PDE11A: variants seen among roughly 807,000 people sequenced by gnomAD.
PDE11A encodes the protein phosphodiesterase 11A.
A neutral mutation model predicts 100.5 loss-of-function variants in PDE11A; 100 were observed. The observed-to-expected ratio is 1.00, with a 90% CI of 0.85 to 1.18. The LOEUF (loss-of-function observed/expected upper bound fraction) is 1.18. PDE11A is among the 50% of genes most tolerant of loss of function. The pLI is 0.00. For synonymous variants in PDE11A, 381 were observed against 420.8 expected (o/e 0.91, Z 1.16); for missense variants, 1,141 against 1,152.6 (o/e 0.99, Z 0.15).
At chr2:177,754,013 C>A (rs1345233037) in intron 10 of PDE11A, among the ~76,000 whole-genome samples, 3 of 152,090 alleles carry the variant, frequency 2.0e-5, no homozygotes, top group African/African-American at 7.2e-5. Flanking sequence ...ATCCTCCTTT[C>A]CAGCTGACAG....
chr2:177,989,109 T>C (rs978499292), intron 2 of PDE11A, among the ~76,000 whole-genome samples: 1 of 152,254 alleles, frequency 6.6e-6, no homozygotes, highest in Non-Finnish European at 1.5e-5. Flanking sequence ...TCAGTTGTAT[T>C]ACTCAGCATT....
At position 177,874,861 on chromosome 2, in the gene PDE11A, A is replaced by G. The variant is rs138304490; in HGVS notation, c.1367+998T>C. The stretch of plus-strand genomic sequence containing the variant: ...CAGGTTTGCTCCAGTACTATTCCAT[A>G]TTAACTTACCTAAATAACTTGGATT... On this transcript the variant is annotated intron_variant, in intron 5 of 19. Transcript: ENST00000286063. 2.6e-5 allele frequency among the ~76,000 whole-genome samples: 4 copies of G among 152,354 alleles called. No homozygotes were observed. The East Asian group carries it at 7.7e-4, about 29-fold the overall frequency.
At chr2:177,899,701 TATATA>T in intron 3 of PDE11A, 1 of 184,464 alleles carries the variant, frequency 5.4e-6, no homozygotes. Flanking sequence ...ATAAATTACA[TATATA>T]ATATAAATAT....
At chr2:177,985,336 G>A (rs996782964) in intron 2 of PDE11A, among the ~76,000 whole-genome samples, 1 of 152,086 alleles carries the variant, frequency 6.6e-6, no homozygotes, top group Non-Finnish European at 1.5e-5. Flanking sequence ...ATCATTTAGA[G>A]TTCTGAATTT....
intron 1 of PDE11A, among the ~76,000 whole-genome samples, chr2:178,069,255 G>T (rs915710744): frequency 6.6e-6 from 1 of 152,052 alleles, no homozygotes; most frequent in East Asian, 1.9e-4. Context: ...CATTTTATGG[G>T]TGAGGAAATT....
chr2:178,040,951 A>G (rs895712751), intron 1 of PDE11A, among the ~76,000 whole-genome samples: 10 of 152,076 alleles, frequency 6.6e-5, no homozygotes, highest in Admixed American at 5.2e-4. Flanking sequence ...TTATTTATTC[A>G]TTTATTGAGA....
At chr2:177,680,661 T>A (rs2080849135) in intron 16 of PDE11A, among the ~76,000 whole-genome samples, 165 bp downstream of exon 16, 1 of 152,214 alleles carries the variant, frequency 6.6e-6, no homozygotes, top group Non-Finnish European at 1.5e-5. Flanking sequence ...GAAAAGACAT[T>A]CTCAGTAATT....
chr2:177,879,906 A>T (rs1320968529), intron 4 of PDE11A, among the ~76,000 whole-genome samples: 3 of 152,244 alleles, frequency 2.0e-5, no homozygotes, highest in Admixed American at 2.0e-4. Context: ...CTCCAACATA[A>T]ATTACAAGCT....
At chr2:177,960,437 A>G (rs901035976) in intron 2 of PDE11A, among the ~76,000 whole-genome samples, 2 of 152,142 alleles carry the variant, frequency 1.3e-5, no homozygotes, top group African/African-American at 4.8e-5. Flanking sequence ...GTATTTTTTG[A>G]AATTGAATTT....
intron 2 of PDE11A, among the ~76,000 whole-genome samples, chr2:177,985,493 T>C (rs781540752): frequency 7.4e-4 from 113 of 152,258 alleles, no homozygotes; most frequent in African/African-American, 1.8e-3. Flanking sequence ...AGGGGACTCA[T>C]TGAAACAAAA....
chr2:177,702,169 T>C (rs890443425), intron 13 of PDE11A, among the ~76,000 whole-genome samples: 3 of 152,114 alleles, frequency 2.0e-5, no homozygotes, highest in African/African-American at 7.2e-5. Flanking sequence ...GAACAACCCA[T>C]TCCTTAACAA....
At chr2:177,831,854 G>C (rs898481783) in intron 6 of PDE11A, among the ~76,000 whole-genome samples, 9 of 152,196 alleles carry the variant, frequency 5.9e-5, no homozygotes, top group African/African-American at 2.2e-4. Context: ...GTAGTCATCA[G>C]GGCTATGTTT....
intron 2 of PDE11A, among the ~76,000 whole-genome samples, chr2:177,955,719 C>T (rs1016110931): frequency 6.6e-5 from 10 of 152,112 alleles, no homozygotes; most frequent in Admixed American, 2.6e-4. Flanking sequence ...GAGATATAGA[C>T]CAATGGAACA....
intron 2 of PDE11A, among the ~76,000 whole-genome samples, chr2:178,103,614 G>T (rs2087585053): frequency 1.3e-5 from 2 of 151,390 alleles, no homozygotes. Context: ...AGATATGCTA[G>T]GCCCCAAGAA....
chr2:178,042,657 T>C (rs929916800), intron 1 of PDE11A, among the ~76,000 whole-genome samples: 1 of 152,194 alleles, frequency 6.6e-6, no homozygotes, highest in Admixed American at 6.5e-5. Context: ...TAATCTATTT[T>C]ACATGATGGA....
Position 177,624,755 on chromosome 2 carries a change from A to T in PDE11A, c.*4652T>A, listed in dbSNP as rs1286129404. ...GGATATGTGTGATATCAGATAATCT[A>T]AAATTGTTTTTTATGAAATAAAAGG... On this transcript the variant is annotated 3_prime_UTR_variant, in exon 20 of 20. Transcript: ENST00000286063. The T allele has an allele frequency of 6.6e-6, 1 of 152,222 alleles. No homozygotes were observed. Among genetic ancestry groups the T allele is most frequent in the Non-Finnish European group, 1.5e-5 (1 of 68,040 alleles). 9.4% of individuals were successfully genotyped at this position (152,222 alleles called of 1,614,324 possible). A position where few individuals can be genotyped will look rare whatever the true frequency, so the allele number is the denominator to read the frequency against.
At chr2:177,678,850 A>C (rs368430574) in intron 16 of PDE11A, among the ~76,000 whole-genome samples, 7 of 152,176 alleles carry the variant, frequency 4.6e-5, no homozygotes, top group African/African-American at 1.7e-4. Flanking sequence ...AGAGCTCAGA[A>C]GAGAGGCAAG....
chr2:177,800,018 C>T (rs2082765367), intron 9 of PDE11A, among the ~76,000 whole-genome samples: 1 of 151,888 alleles, frequency 6.6e-6, no homozygotes, highest in African/African-American at 2.4e-5. Context: ...TTAACAATCC[C>T]ACAAGGTTGG....
intron 9 of PDE11A, among the ~76,000 whole-genome samples, chr2:177,786,295 T>C (rs1330037953): frequency 6.6e-6 from 1 of 152,136 alleles, no homozygotes; most frequent in Non-Finnish European, 1.5e-5. Flanking sequence ...AGTGGACCTC[T>C]AGCAAACTCC....
Sources: gnomAD v4.1 joint callset for allele counts (sites outside exome capture counted in the v4.1 genomes callset) on GRCh38, gnomAD v4.1.1 for gene constraint, MANE v1.5 for transcripts, NCBI Gene and HGNC (gene_info 2026-07-23, HGNC 2026-07-21) for gene names.